Variants in UHRF2 observed in about 807,000 individuals in gnomAD.
UHRF2 encodes the protein E3 ubiquitin-protein ligase UHRF2.
Under a neutral mutation model 96.8 loss-of-function variants are expected in UHRF2, and 23 were observed. The ratio of observed to expected loss-of-function variants is 0.24; its 90% CI spans 0.17 to 0.34. The LOEUF (loss-of-function observed/expected upper bound fraction) is 0.34. Among genes scored for constraint, UHRF2 ranks in the 10% least tolerant of loss-of-function variants. UHRF2 has a pLI of 1.00. For missense variants in UHRF2, 685 were observed against 981.5 expected, an observed-to-expected ratio of 0.70 and a Z score of 4.04; for synonymous variants, 385 against 332.6, an observed-to-expected ratio of 1.16 and a Z score of -1.72.
Position 6,499,826 on chromosome 9 carries a change from C to T in UHRF2, c.1909-9C>T, listed in dbSNP as rs572428892. 21 of 1,595,572 alleles carry T rather than the reference C, an allele frequency of 1.3e-5. No homozygotes were observed. Among genetic ancestry groups the T allele is most frequent in the Non-Finnish European group, 1.7e-5 (20 of 1,167,324 alleles). On this transcript the variant is annotated splice_polypyrimidine_tract_variant and intron_variant, in intron 12 of 15. Coordinates refer to ENST00000276893, the MANE Select transcript of UHRF2 (RefSeq NM_152896.3). ...CTGCATTGTACTCTCCCTCCTCCCC[C>T]CCCATCAGTATCCAGCAGGTTACCC...
At chr9:6,428,091 G>A (rs73399684) in intron 2 of UHRF2, among the ~76,000 whole-genome samples, 3,259 of 152,312 alleles carry the variant, frequency 0.021, 126 homozygotes, top group African/African-American at 0.075. Context: ...GTTTAGCTGA[G>A]CATGTGGCAC....
In UHRF2 at chr9:6,421,081, C is replaced by G. The variant is rs1819904710; in HGVS notation, c.323C>G (p.Ser108Cys). 1.2e-6 allele frequency: 2 copies of G among 1,614,010 alleles called. No homozygotes were observed. The highest frequency in any genetic ancestry group is 1.7e-6 in the Non-Finnish European group (2 of 1,180,044). The change falls in exon 2 of 16, where the codon TCC becomes TGC. Residue 108 changes from serine (S) to cysteine (C), a missense_variant. Ser to Cys is a moderately radical substitution (Grantham distance 112). Transcript: ENST00000276893. Reference protein sequence around the residue: ...KVKKAPRVGPSNQPSTSARAR... With the variant: ...KVKKAPRVGPCNQPSTSARAR... The stretch of plus-strand genomic sequence containing the variant: ...AAGAAAGCTCCGAGGGTAGGACCTT[C>G]CAATCAGCCATCTACATCAGCTCGT...
chr9:6,428,328 G>T lies in UHRF2; in HGVS notation c.385-5586G>T, dbSNP rs372036972. ...AACAATACTCCCAGGAACTTACCAG[G>T]TGCCTCCTCCTGATTATAACTCCCT... On this transcript the variant is annotated intron_variant, in intron 2 of 15. Transcript: ENST00000276893. Among the ~76,000 whole-genome samples the T allele has an allele frequency of 3.3e-5, 5 of 152,028 alleles. No homozygotes were observed. In the East Asian group the frequency reaches 7.7e-4, roughly 24 times the overall value.
intron 14 of UHRF2, among the ~76,000 whole-genome samples, chr9:6,502,411 G>A (rs1391172529): frequency 1.3e-5 from 2 of 152,148 alleles, no homozygotes; most frequent in Admixed American, 1.3e-4. Flanking sequence ...TCCTCAGAGA[G>A]ATCTTCCCAA....
Position 6,434,141 on chromosome 9 carries a change from T to A in UHRF2, c.612T>A (p.Asp204Glu). The A allele has an allele frequency of 6.2e-7, 1 of 1,614,074 alleles. No individual in the cohort carries two copies. The highest frequency in any genetic ancestry group is 8.5e-7 in the Non-Finnish European group (1 of 1,180,000). Residue 204 changes from aspartate to glutamate, a missense_variant, in exon 3 of 16, where the codon GAT (aspartate) becomes GAA (glutamate). This residue lies in a region of UHRF2 where 391 missense variants were observed against 437.0 expected (regional missense o/e 0.89). Coordinates refer to ENST00000276893, the MANE Select transcript of UHRF2 (RefSeq NM_152896.3). ...STSNSDCVAA[D>E]EDVIYHIQYD... ...CTAATTCAGACTGTGTTGCTGCTGA[T>A]GAAGACGTTATTTACCATATCCAGT...
At chr9:6,414,034 A>G (rs1181092362) in intron 1 of UHRF2, 1 of 163,916 alleles carries the variant, frequency 6.1e-6, no homozygotes, top group African/African-American at 2.4e-5. Flanking sequence ...CGCGCGGGAG[A>G]CCCGGAGAGC....
At chr9:6,459,427 G>T (rs1003131197) in intron 3 of UHRF2, among the ~76,000 whole-genome samples, 5 of 152,156 alleles carry the variant, frequency 3.3e-5, no homozygotes, top group Non-Finnish European at 7.3e-5. Flanking sequence ...CCAGCACTTT[G>T]TGAGACTGAG....
At chr9:6,500,044 C>T in intron 13 of UHRF2, 113 bp downstream of exon 13, 2 of 830,544 alleles carry the variant, frequency 2.4e-6, no homozygotes, top group Non-Finnish European at 3.8e-6. Context: ...AAGATCTTGG[C>T]TCACTGTAGC....
intron 8 of UHRF2, among the ~76,000 whole-genome samples, chr9:6,483,129 C>T (rs764000722): frequency 5.3e-4 from 81 of 151,814 alleles, no homozygotes; most frequent in Non-Finnish European, 1.0e-3. Context: ...AATTCAAAAC[C>T]AGCCTCGCCA....
At chr9:6,483,093 C>T (rs1018771630) in intron 8 of UHRF2, among the ~76,000 whole-genome samples, 1 of 151,890 alleles carries the variant, frequency 6.6e-6, no homozygotes, top group African/African-American at 2.4e-5. Context: ...TGGAAGGCCG[C>T]AGCAGCCAGA....
intron 3 of UHRF2, among the ~76,000 whole-genome samples, chr9:6,457,283 T>A (rs771679932): frequency 5.9e-5 from 9 of 152,092 alleles, no homozygotes; most frequent in Non-Finnish European, 7.4e-5. Context: ...TGAATGGGAG[T>A]TCACTCATGA....
intron 2 of UHRF2, among the ~76,000 whole-genome samples, chr9:6,431,962 T>C (rs2130761881): frequency 6.6e-6 from 1 of 152,324 alleles, no homozygotes; most frequent in Non-Finnish European, 1.5e-5. Context: ...TGCGACAGAG[T>C]AGTAACCTCA....
At chr9:6,499,689 T>TA (rs1475424417) in intron 12 of UHRF2, 146 bp from the exon 13 acceptor site, 2 of 487,746 alleles carry the variant, frequency 4.1e-6, no homozygotes, top group East Asian at 6.8e-5. Context: ...TCTTTTCCTT[T>TA]AAATGTCTGT....
intron 3 of UHRF2, among the ~76,000 whole-genome samples, chr9:6,443,281 C>T (rs1821288218): frequency 6.6e-6 from 1 of 152,134 alleles, no homozygotes; most frequent in African/African-American, 2.4e-5. Flanking sequence ...CACAGTGTGC[C>T]AAGCAGTATA....
chr9:6,504,014 A>ATTT (rs1816444749), intron 14 of UHRF2, among the ~76,000 whole-genome samples: 1 of 113,856 alleles, frequency 8.8e-6, no homozygotes, highest in African/African-American at 4.3e-5. Context: ...TAAATAGAAG[A>ATTT]CTTTTTTTTT....
At chr9:6,451,773 T>TTTGTTGTTGTTGTTGTTGTTGTTG (rs1168664809) in intron 3 of UHRF2, among the ~76,000 whole-genome samples, 19 of 148,802 alleles carry the variant, frequency 1.3e-4, no homozygotes, top group African/African-American at 4.5e-4. Context: ...GCCCGGCCTG[T>TTTGTTGTTGTTGTTGTTGTTGTTG]TTGTTGTTGT....
chr9:6,479,953 G>A (rs1823825562), intron 6 of UHRF2, among the ~76,000 whole-genome samples: 1 of 152,058 alleles, frequency 6.6e-6, no homozygotes, highest in Non-Finnish European at 1.5e-5. Flanking sequence ...CATAGCAGCA[G>A]AATGAGCTTA....
At chr9:6,444,764 G>A (rs1821386789) in intron 3 of UHRF2, among the ~76,000 whole-genome samples, 1 of 152,090 alleles carries the variant, frequency 6.6e-6, no homozygotes, top group East Asian at 1.9e-4. Flanking sequence ...TACCACGCCT[G>A]CCTAATTTTT....
chr9:6,430,066 A>G, intron 2 of UHRF2, among the ~76,000 whole-genome samples: 1 of 152,236 alleles, frequency 6.6e-6, no homozygotes, highest in Non-Finnish European at 1.5e-5. Flanking sequence ...CCTGAAGTGC[A>G]ATGGCACAAT....
Sources: allele counts gnomAD v4.1 joint callset (sites outside exome capture counted in the v4.1 genomes callset), GRCh38; gene constraint gnomAD v4.1.1; regional missense constraint gnomAD v4.1.1; transcripts MANE v1.5; gene names NCBI Gene and HGNC (gene_info 2026-07-23, HGNC 2026-07-21).